CNTNAP2: variants seen among roughly 807,000 people sequenced by gnomAD.
CNTNAP2 encodes contactin associated protein 2.
A neutral mutation model predicts 155.2 loss-of-function variants in CNTNAP2; 98 were observed. The observed-to-expected ratio is 0.63, with a 90% CI of 0.54 to 0.75. The LOEUF (loss-of-function observed/expected upper bound fraction) is 0.75. Among genes scored for constraint, CNTNAP2 ranks in the 30% least tolerant of loss-of-function variants. The pLI is 0.00. For synonymous variants in CNTNAP2, 651 were observed against 631.2 expected (o/e 1.03, Z -0.47); for missense variants, 1,727 against 1,688.1 (o/e 1.02, Z -0.40).
chr7:147,348,727 A>G lies in CNTNAP2; in HGVS notation c.1499-46882A>G, dbSNP rs375248912. On this transcript the variant is annotated intron_variant, in intron 9 of 23. Coordinates refer to ENST00000361727, the MANE Select transcript of CNTNAP2 (RefSeq NM_014141.6). The stretch of plus-strand genomic sequence containing the variant: ...ATTGCAGCACTATTCACAGTAACCA[A>G]GACATGGAATCAACCCAGGTATCCA... Among the ~76,000 whole-genome samples, 41 of 152,240 alleles carry G rather than the reference A, an allele frequency of 2.7e-4. 2 individuals are homozygous for G. The highest frequency in any genetic ancestry group is 9.9e-4 in the African/African-American group (41 of 41,556).
At chr7:146,460,753 T>C (rs1322183060) in intron 1 of CNTNAP2, among the ~76,000 whole-genome samples, 1 of 152,128 alleles carries the variant, frequency 6.6e-6, no homozygotes, top group Non-Finnish European at 1.5e-5. Flanking sequence ...CTCACTTACA[T>C]GCAGAATCTT....
At chr7:146,478,305 T>C (rs764623482) in intron 1 of CNTNAP2, among the ~76,000 whole-genome samples, 1 of 151,722 alleles carries the variant, frequency 6.6e-6, no homozygotes, top group Non-Finnish European at 1.5e-5. Flanking sequence ...ATAGTGAGAA[T>C]AAAGAAAACG....
At chr7:147,517,313 TATATGGCAAGTACGA>T (rs1799145520) in intron 11 of CNTNAP2, among the ~76,000 whole-genome samples, 1 of 152,184 alleles carries the variant, frequency 6.6e-6, no homozygotes, top group Admixed American at 6.5e-5. Context: ...GTTAGGGTCT[TATATGGCAAGTACGA>T]ATACTCCTAC....
chr7:146,863,039 C>G (rs555820945), intron 3 of CNTNAP2, among the ~76,000 whole-genome samples: 1 of 152,032 alleles, frequency 6.6e-6, no homozygotes, highest in Non-Finnish European at 1.5e-5. Flanking sequence ...AATGAGTGAT[C>G]TTATTAATTT....
intron 1 of CNTNAP2, among the ~76,000 whole-genome samples, chr7:146,733,223 C>T (rs993360921): frequency 5.3e-5 from 8 of 152,060 alleles, no homozygotes; most frequent in Non-Finnish European, 1.2e-4. Flanking sequence ...ATTCAGGAAT[C>T]CAGACCCTTA....
At chr7:147,709,802 G>A (rs533987280) in intron 13 of CNTNAP2, among the ~76,000 whole-genome samples, 1 of 152,238 alleles carries the variant, frequency 6.6e-6, no homozygotes, top group East Asian at 1.9e-4. Context: ...TAGCACATAA[G>A]TAATCTTTCT....
intron 4 of CNTNAP2, among the ~76,000 whole-genome samples, chr7:147,105,766 A>T (rs1800752501): frequency 6.6e-6 from 1 of 152,076 alleles, no homozygotes; most frequent in Non-Finnish European, 1.5e-5. Flanking sequence ...ATAGATGGAT[A>T]GATAGGTGGG....
At chr7:147,507,888 G>A (rs984473918) in intron 11 of CNTNAP2, among the ~76,000 whole-genome samples, 5 of 151,986 alleles carry the variant, frequency 3.3e-5, no homozygotes, top group African/African-American at 1.2e-4. Flanking sequence ...TTTGTTTTCT[G>A]TAACTCAGCA....
At chr7:146,506,351 C>G (rs898601629) in intron 1 of CNTNAP2, among the ~76,000 whole-genome samples, 4 of 152,210 alleles carry the variant, frequency 2.6e-5, no homozygotes, top group African/African-American at 9.7e-5. Context: ...TGTGTCCACG[C>G]TGGGCATTTC....
At chr7:146,157,592 G>T (rs149157360) in intron 1 of CNTNAP2, among the ~76,000 whole-genome samples, 3 of 152,096 alleles carry the variant, frequency 2.0e-5, no homozygotes, top group African/African-American at 7.2e-5. Flanking sequence ...ATTATATCCC[G>T]TGCATGGCTT....
At chr7:147,090,997 T>A (rs1355088883) in intron 4 of CNTNAP2, among the ~76,000 whole-genome samples, 1 of 152,046 alleles carries the variant, frequency 6.6e-6, no homozygotes, top group Non-Finnish European at 1.5e-5. Flanking sequence ...AAAATTAAGC[T>A]TGGGCAAGTC....
chr7:147,589,160 C>A (rs1186455820), intron 12 of CNTNAP2, among the ~76,000 whole-genome samples: 2 of 151,958 alleles, frequency 1.3e-5, no homozygotes, highest in African/African-American at 4.8e-5. Flanking sequence ...AGAAATGATC[C>A]AATTCTTTAT....
intron 3 of CNTNAP2, among the ~76,000 whole-genome samples, chr7:146,972,779 A>G (rs543777728): frequency 6.6e-6 from 1 of 152,222 alleles, no homozygotes; most frequent in East Asian, 1.9e-4. Context: ...CCTTTTATTA[A>G]TGTATTTGAA....
At chr7:148,036,695 G>A (rs557905342) in intron 15 of CNTNAP2, among the ~76,000 whole-genome samples, 18 of 152,086 alleles carry the variant, frequency 1.2e-4, no homozygotes, top group Non-Finnish European at 1.6e-4. Flanking sequence ...GGACTAAGAC[G>A]AGCAGTTATG....
At chr7:147,406,279 C>T (rs867546882) in intron 10 of CNTNAP2, among the ~76,000 whole-genome samples, 1 of 152,070 alleles carries the variant, frequency 6.6e-6, no homozygotes, top group African/African-American at 2.4e-5. Flanking sequence ...GACTCTTTTA[C>T]TTTCATTAAA....
At chr7:147,404,975 T>C (rs1029873499) in intron 10 of CNTNAP2, among the ~76,000 whole-genome samples, 2 of 152,156 alleles carry the variant, frequency 1.3e-5, no homozygotes, top group Non-Finnish European at 2.9e-5. Flanking sequence ...AAGAAAAAAG[T>C]TGAATTAGCC....
At chr7:147,726,792 C>T (rs1056612974) in intron 13 of CNTNAP2, among the ~76,000 whole-genome samples, 1 of 151,910 alleles carries the variant, frequency 6.6e-6, no homozygotes, top group Non-Finnish European at 1.5e-5. Flanking sequence ...TTAGAAATAA[C>T]TTCAACAGTT....
At chr7:147,653,400 AGCTTG>A (rs1292011619) in intron 13 of CNTNAP2, among the ~76,000 whole-genome samples, 2 of 152,232 alleles carry the variant, frequency 1.3e-5, no homozygotes, top group Admixed American at 1.3e-4. Context: ...AGAAATCACC[AGCTTG>A]GCAGAGCCCG....
chr7:148,219,507 G>A (rs529096253), intron 19 of CNTNAP2, among the ~76,000 whole-genome samples: 31 of 152,128 alleles, frequency 2.0e-4, no homozygotes, highest in African/African-American at 6.5e-4. Context: ...TAGCCTAGGC[G>A]ACATAGCAAG....
Sources: gnomAD v4.1 joint callset for allele counts (sites outside exome capture counted in the v4.1 genomes callset) on GRCh38, gnomAD v4.1.1 for gene constraint, MANE v1.5 for transcripts, NCBI Gene and HGNC (gene_info 2026-07-23, HGNC 2026-07-21) for gene names.